Variants in WDTC1 observed in about 807,000 individuals in gnomAD.
The protein encoded by WDTC1 is WD and tetratricopeptide repeats 1.
WDTC1 carries 12 observed loss-of-function variants against 76.0 expected under a neutral mutation model. The observed-to-expected ratio is 0.16, with a 90% CI of 0.10 to 0.26. The LOEUF is 0.26. Ranked by LOEUF, WDTC1 falls within the 10% of genes least tolerant of loss-of-function variation. The pLI is 1.00. For missense variants in WDTC1, 511 were observed against 908.8 expected (o/e 0.56, Z 5.63); for synonymous variants, 326 against 350.8 (o/e 0.93, Z 0.79).
chr1:27,247,946 G>A (rs1276122360), intron 1 of WDTC1, among the ~76,000 whole-genome samples: 5 of 152,086 alleles, frequency 3.3e-5, no homozygotes, highest in Admixed American at 3.3e-4. Flanking sequence ...TTGAACTGCT[G>A]ACCTCAGGTG....
chr1:27,246,723 G>C (rs187935342), intron 1 of WDTC1, among the ~76,000 whole-genome samples: 3 of 151,488 alleles, frequency 2.0e-5, no homozygotes, highest in Non-Finnish European at 4.4e-5. Context: ...CACCACGCCC[G>C]GCTAATTTTT....
chr1:27,298,168 C>T, intron 12 of WDTC1, 57 bp downstream of exon 12: 2 of 1,497,070 alleles, frequency 1.3e-6, no homozygotes, highest in Non-Finnish European at 1.8e-6. Flanking sequence ...GCAGCTGGAC[C>T]AAAAGGCAGG....
In WDTC1 at chr1:27,234,884, C is replaced by T. The variant is rs962871832; in HGVS notation, c.-167C>T. 9 of 395,642 alleles carry T rather than the reference C, an allele frequency of 2.3e-5. No homozygotes were observed. Among genetic ancestry groups the T allele is most frequent in the Non-Finnish European group, 4.0e-5 (9 of 224,336 alleles). 24.5% of individuals were successfully genotyped at this position (395,642 alleles called of 1,614,324 possible). A position where few individuals can be genotyped will look rare whatever the true frequency, so the allele number is the denominator to read the frequency against. On this transcript the variant is annotated 5_prime_UTR_variant, in exon 1 of 16. Coordinates refer to ENST00000319394, the MANE Select transcript of WDTC1 (RefSeq NM_001276252.2). ...GCGCCCCCCTTCCCGGGAGAGGGGC[C>T]GCCCCCCCCGGACGGACATGGGCTC...
In WDTC1 at chr1:27,303,855, T is replaced by C; in HGVS notation, c.1643+60T>C. Reference sequence around the variant, plus strand: ...TGGCAGCGGGAGGTTGAGTGGGGAGTGTTGGGGCATAATGGTTTCAGAGAA... The same window carrying C: ...TGGCAGCGGGAGGTTGAGTGGGGAGCGTTGGGGCATAATGGTTTCAGAGAA... On this transcript the variant is annotated intron_variant, in intron 14 of 15. Coordinates refer to ENST00000319394, the MANE Select transcript of WDTC1 (RefSeq NM_001276252.2). The surrounding 1 kb of genome is among the most constrained non-coding windows in gnomAD (Gnocchi z 4.8). 6.3e-7 allele frequency: 1 copy of C among 1,592,086 alleles called. No homozygotes were observed. The highest frequency in any genetic ancestry group is 8.6e-7 in the Non-Finnish European group (1 of 1,168,212).
At chr1:27,289,092 A>C (rs1570976760) in intron 6 of WDTC1, among the ~76,000 whole-genome samples, 12 of 107,306 alleles carry the variant, frequency 1.1e-4, no homozygotes, top group Admixed American at 3.0e-4. Context: ...TGACCCCCCC[A>C]CCTCCCTCCT....
intron 5 of WDTC1, 69 bp from the exon 6 acceptor site, chr1:27,287,605 C>A: frequency 6.6e-7 from 1 of 1,506,004 alleles, no homozygotes; most frequent in Non-Finnish European, 9.0e-7. Flanking sequence ...TGCAGACATC[C>A]AGGCTAGCCT....
Position 27,294,103 on chromosome 1 carries a change from G to A in WDTC1, c.744G>A (p.Gln248=), listed in dbSNP as rs1297053808. ...AACCCCTTCCGGACGGTGCAGCCCA[G>A]TATTACGTAGCAGGTAGCGCTCAGC... ...RQKPLPDGAA[Q]YYVAGHLPVK... Residue 248 remains glutamine, a synonymous_variant, in exon 8 of 16, where the codon CAG becomes CAA. Transcript: ENST00000319394. The A allele has an allele frequency of 6.2e-7, 1 of 1,613,924 alleles. No homozygotes were observed. The highest frequency in any genetic ancestry group is 8.5e-7 in the Non-Finnish European group (1 of 1,180,010).
At chr1:27,296,196 T>C in intron 9 of WDTC1, 130 bp from the exon 10 acceptor site, 3 of 1,102,790 alleles carry the variant, frequency 2.7e-6, no homozygotes, top group Non-Finnish European at 2.7e-6. Flanking sequence ...TAGGATAGCT[T>C]GATTGTTCTA....
At chr1:27,289,191 G>A (rs2013447629) in intron 6 of WDTC1, among the ~76,000 whole-genome samples, 1 of 150,608 alleles carries the variant, frequency 6.6e-6, no homozygotes, top group African/African-American at 2.4e-5. Context: ...GGACGGGGCG[G>A]CTGGCCGGGC....
intron 1 of WDTC1, among the ~76,000 whole-genome samples, chr1:27,235,998 A>G (rs1481588237): frequency 3.3e-5 from 5 of 152,078 alleles, no homozygotes; most frequent in African/African-American, 1.2e-4. Flanking sequence ...AGAAGAAACT[A>G]TTTTGAGGGC....
At position 27,290,024 on chromosome 1, in the gene WDTC1, G is replaced by GGGGAGA. The variant is rs1189430918; in HGVS notation, c.479+2176_480-2173dup. 4.0e-5 allele frequency among the ~76,000 whole-genome samples: 6 copies of GGGGAGA among 151,716 alleles called. No homozygotes were observed. The East Asian group carries it at 9.8e-4, about 25-fold the overall frequency. On this transcript the variant is annotated intron_variant, in intron 6 of 15. Coordinates refer to ENST00000319394, the MANE Select transcript of WDTC1 (RefSeq NM_001276252.2). ...GGAAAGAGAGGGAGAGGGAGACCGT[G>GGGGAGA]GGGAGAGGGAGAGGGAGACCGTGGG...
chr1:27,236,442 G>T (rs1477959508), intron 1 of WDTC1, among the ~76,000 whole-genome samples: 1 of 152,172 alleles, frequency 6.6e-6, no homozygotes, highest in Admixed American at 6.6e-5. Flanking sequence ...GAGCACTTCT[G>T]TTCGAGTCTT....
chr1:27,235,144 C>T (rs567533188), intron 1 of WDTC1, among the ~76,000 whole-genome samples, 193 bp downstream of exon 1: 82 of 146,466 alleles, frequency 5.6e-4, no homozygotes, highest in Middle Eastern at 3.5e-3. Context: ...CAGAGTGGTC[C>T]GGGGGCGGGG....
chr1:27,261,836 A>G (rs6598880), intron 2 of WDTC1, among the ~76,000 whole-genome samples: 138,589 of 152,196 alleles, frequency 0.91, 64,516 homozygotes, highest in East Asian at 1. Flanking sequence ...GATAATGGCC[A>G]TCTGCCTGTA....
chr1:27,275,027 C>T (rs549066188), intron 3 of WDTC1, among the ~76,000 whole-genome samples: 1 of 152,304 alleles, frequency 6.6e-6, no homozygotes, highest in African/African-American at 2.4e-5. Context: ...ATCCTTTCCA[C>T]CTCAACCATA....
intron 12 of WDTC1, among the ~76,000 whole-genome samples, chr1:27,299,150 G>C (rs2147989165): frequency 6.6e-6 from 1 of 152,300 alleles, no homozygotes; most frequent in East Asian, 1.9e-4. Context: ...CTTCACTCCT[G>C]CATTCTTGCT....
Position 27,306,255 on chromosome 1 carries a change from A to C in WDTC1, c.1906A>C (p.Asn636His), listed in dbSNP as rs1464533558. 1.9e-6 allele frequency: 3 copies of C among 1,614,008 alleles called. No homozygotes were observed. Among genetic ancestry groups the C allele is most frequent in the Admixed American group, 3.3e-5 (2 of 59,994 alleles). The change falls in exon 16 of 16, where the codon AAT becomes CAT. Residue 636 changes from asparagine to histidine, a missense_variant. Asn to His is a moderately conservative substitution (Grantham distance 68). Transcript: ENST00000319394. The surrounding 1 kb of genome is among the most constrained non-coding windows in gnomAD (Gnocchi z 5.0). ...TTCACAGGCCAACCAGCGGCGCATGAATGCAGACCCGTTGGAGGTGATGCT... is the reference window on the plus strand; with the variant it reads ...TTCACAGGCCAACCAGCGGCGCATGCATGCAGACCCGTTGGAGGTGATGCT... ...GASQANQRRM[N>H]ADPLEVMLLN...
At chr1:27,252,924 C>T (rs115129279) in intron 1 of WDTC1, among the ~76,000 whole-genome samples, 30 of 152,082 alleles carry the variant, frequency 2.0e-4, no homozygotes, top group African/African-American at 6.0e-4. Flanking sequence ...TCATTTCCCT[C>T]ACTGTCATTT....
At chr1:27,258,366 C>T (rs1447925236) in intron 1 of WDTC1, among the ~76,000 whole-genome samples, 4 of 151,702 alleles carry the variant, frequency 2.6e-5, no homozygotes, top group Non-Finnish European at 5.9e-5. Flanking sequence ...AACCCTGCCT[C>T]TGCTAAAAAT....
Sources: gnomAD v4.1 joint callset for allele counts (sites outside exome capture counted in the v4.1 genomes callset) on GRCh38, gnomAD v4.1.1 for gene constraint, Gnocchi (gnomAD v3.1) non-coding constraint, MANE v1.5 for transcripts, NCBI Gene and HGNC (gene_info 2026-07-23, HGNC 2026-07-21) for gene names.